Variants in TTLL5 observed in about 807,000 individuals in gnomAD.
TTLL5 encodes tubulin polyglutamylase TTLL5.
Under a neutral mutation model 168.4 loss-of-function variants are expected in TTLL5, and 132 were observed. That is an observed-to-expected ratio of 0.78 (90% CI 0.68 to 0.91). TTLL5 has a LOEUF of 0.91. Ranked by LOEUF, TTLL5 falls within the 40% of genes least tolerant of loss-of-function variation. TTLL5 has a pLI of 0.00. For missense variants in TTLL5, 1,545 were observed against 1,581.5 expected, an observed-to-expected ratio of 0.98 and a Z score of 0.39; for synonymous variants, 546 against 558.6, an observed-to-expected ratio of 0.98 and a Z score of 0.32.
At position 75,745,110 on chromosome 14, in the gene TTLL5, T is replaced by G. The variant is rs1240574898; in HGVS notation, c.1297T>G (p.Ser433Ala). The G allele has an allele frequency of 6.2e-7, 1 of 1,613,928 alleles. No homozygotes were observed. The highest frequency in any genetic ancestry group is 1.7e-5 in the Admixed American group (1 of 60,014). ...TTCTCCTTAGCGTTGCCGTCCACTC[T>G]CTGCCAGTGATGCGGAAATGAAAAA... ...FQKPQRCRPL[S>A]ASDAEMKNLV... The change falls in exon 16 of 32, where the codon TCT becomes GCT. Residue 433 changes from serine to alanine, a missense_variant. Physicochemically the swap from Ser to Ala is moderately conservative, Grantham distance 99 (BLOSUM62 1). Coordinates refer to ENST00000298832, the MANE Select transcript of TTLL5 (RefSeq NM_015072.5).
In TTLL5 at chr14:75,669,404, T is replaced by C. The variant is rs997364529; in HGVS notation, c.75-12T>C. ...GAGCTGTAAATTAATGAAGGCTTTT[T>C]TGTCGTTATAGGGATCATCCATGCA... is the stretch of plus-strand genomic sequence containing the variant. On this transcript the variant is annotated splice_polypyrimidine_tract_variant and intron_variant, in intron 2 of 31. Coordinates refer to ENST00000298832, the MANE Select transcript of TTLL5 (RefSeq NM_015072.5). The C allele has an allele frequency of 7.5e-6, 12 of 1,605,356 alleles. No homozygotes were observed. The highest frequency in any genetic ancestry group is 1.0e-5 in the Non-Finnish European group (12 of 1,173,660).
At chr14:75,840,656 C>A (rs369405361) in intron 28 of TTLL5, among the ~76,000 whole-genome samples, 2 of 152,146 alleles carry the variant, frequency 1.3e-5, no homozygotes, top group African/African-American at 4.8e-5. Flanking sequence ...TAATTCAGAA[C>A]TATAGTTTTA....
intron 27 of TTLL5, chr14:75,818,393 G>C: frequency 8.0e-6 from 2 of 249,948 alleles, no homozygotes; most frequent in South Asian, 7.9e-5. Flanking sequence ...AAGAAATTTG[G>C]ATCTACTCTA....
intron 31 of TTLL5, among the ~76,000 whole-genome samples, chr14:75,904,548 C>T (rs1006020184): frequency 2.2e-4 from 33 of 152,104 alleles, no homozygotes; most frequent in African/African-American, 8.0e-4. Flanking sequence ...GCATCTTGAC[C>T]GTGAATTACT....
At chr14:75,762,196 C>T (rs1890691786) in intron 18 of TTLL5, among the ~76,000 whole-genome samples, 1 of 151,980 alleles carries the variant, frequency 6.6e-6, no homozygotes, top group African/African-American at 2.4e-5. Context: ...GAGATTGAGA[C>T]CATCCTGGCT....
In TTLL5 at chr14:75,820,111, A is replaced by G; in HGVS notation, c.3276A>G (p.Thr1092=). The change falls in exon 28 of 32, where the codon ACA becomes ACG. Residue 1092 remains threonine (T), a synonymous_variant. Coordinates refer to ENST00000298832, the MANE Select transcript of TTLL5 (RefSeq NM_015072.5). ...GTCCTAGTGGCCCGACATGGTCTAC[A>G]CAGTCAGACCCCCAAGCTCCCGAGA... ...IISPSGPTWS[T]QSDPQAPENH... is the part of the protein sequence containing the mutation. 6.2e-7 allele frequency: 1 copy of G among 1,604,604 alleles called. No individual in the cohort carries two copies. The highest frequency in any genetic ancestry group is 8.5e-7 in the Non-Finnish European group (1 of 1,176,032).
chr14:75,864,787 T>G (rs2030370441), intron 29 of TTLL5, among the ~76,000 whole-genome samples: 1 of 152,194 alleles, frequency 6.6e-6, no homozygotes, highest in Non-Finnish European at 1.5e-5. Context: ...CCTGATCATT[T>G]TTTTCTTATA....
intron 30 of TTLL5, among the ~76,000 whole-genome samples, chr14:75,884,282 G>A (rs979093747): frequency 1.3e-5 from 2 of 152,224 alleles, no homozygotes; most frequent in African/African-American, 4.8e-5. Context: ...ATTTGCCAGT[G>A]TGCCCCTTGT....
chr14:75,699,123 A>C (rs1158384263), intron 6 of TTLL5, 65 bp from the exon 7 acceptor site: 1 of 1,439,122 alleles, frequency 6.9e-7, no homozygotes, highest in Non-Finnish European at 9.8e-7. Flanking sequence ...AAGTTGATAT[A>C]ATAAACTCAA....
At chr14:75,818,823 T>C (rs999247935) in intron 27 of TTLL5, among the ~76,000 whole-genome samples, 1 of 152,160 alleles carries the variant, frequency 6.6e-6, no homozygotes, top group African/African-American at 2.4e-5. Context: ...TGTTAATGCA[T>C]ACGTAATATT....
rs1895845205 is a variant in TTLL5 at position 75,836,003 on chromosome 14, A to G, written c.3326+15842A>G. On this transcript the variant is annotated intron_variant, in intron 28 of 31. Transcript: ENST00000298832. Reference sequence around the variant, plus strand: ...TTGGAGATTCCTCAAAAAACTAAAAATAGAGCTACCATACAACCCAGCAGT... The same window carrying G: ...TTGGAGATTCCTCAAAAAACTAAAAGTAGAGCTACCATACAACCCAGCAGT... Among the ~76,000 whole-genome samples the G allele has an allele frequency of 2.0e-5, 3 of 152,204 alleles. No individual in the cohort carries two copies. The South Asian group carries it at 6.2e-4, about 31-fold the overall frequency.
rs571865728 is a variant in TTLL5 at position 75,863,539 on chromosome 14, A to C, written c.3327-128A>C. ...GTGGGGGAGTGAGATAATATCACAC[A>C]AGTAGATTTGTAATTCCAAACTGTG... On this transcript the variant is annotated intron_variant, in intron 28 of 31. Transcript: ENST00000298832. 5.6e-6 allele frequency: 5 copies of C among 892,294 alleles called. No homozygotes were observed. In the East Asian group the frequency reaches 7.7e-5, roughly 14 times the overall value. The allele number at this position is 892,294 out of a possible 1,614,324, so 55.3% of individuals were successfully genotyped here.
rs566941359 is a variant in TTLL5 at position 75,695,557 on chromosome 14, A to G, written c.503-3631A>G. Reference sequence around the variant, plus strand: ...TAAAAACTTGCTGGTTTTGCGGCTCAGGGGGCATCATGGAACCTGCCAACA... The same window carrying G: ...TAAAAACTTGCTGGTTTTGCGGCTCGGGGGGCATCATGGAACCTGCCAACA... On this transcript the variant is annotated intron_variant, in intron 6 of 31. Transcript: ENST00000298832. Among the ~76,000 whole-genome samples, 214 of 152,172 alleles carry G rather than the reference A, an allele frequency of 1.4e-3. 1 individual carries two copies. The highest frequency in any genetic ancestry group is 5.0e-3 in the African/African-American group (209 of 41,530).
intron 17 of TTLL5, among the ~76,000 whole-genome samples, chr14:75,746,930 C>T (rs907092642): frequency 5.9e-5 from 9 of 152,056 alleles, no homozygotes; most frequent in Admixed American, 2.0e-4. Context: ...TTCTTGTGCT[C>T]GGGATTCATT....
chr14:75,757,937 C>A, intron 18 of TTLL5: 1 of 1,373,884 alleles, frequency 7.3e-7, no homozygotes, highest in Non-Finnish European at 9.5e-7. Flanking sequence ...ACAGACTAAG[C>A]ATAATACCTT....
At chr14:75,781,105 T>G (rs944956701) in intron 24 of TTLL5, among the ~76,000 whole-genome samples, 5 of 152,094 alleles carry the variant, frequency 3.3e-5, no homozygotes, top group African/African-American at 1.2e-4. Context: ...GCGTGCTAAT[T>G]TGGGGAGGTA....
chr14:75,736,296 C>T lies in TTLL5; in HGVS notation c.1281+1007C>T, dbSNP rs529775763. ...CTCACTTTTTTCCTCCCTTCTTCCA[C>T]TCCCATTCCTGCTCTTGTTCCTTTT... is the stretch of plus-strand genomic sequence containing the variant. On this transcript the variant is annotated intron_variant, in intron 15 of 31. Transcript: ENST00000298832. Among the ~76,000 whole-genome samples, 113 of 152,290 alleles carry T rather than the reference C, an allele frequency of 7.4e-4. 1 individual carries two copies. Among genetic ancestry groups the T allele is most frequent in the Non-Finnish European group, 1.5e-3 (99 of 68,030 alleles).
chr14:75,933,035 T>C (rs10134691), intron 31 of TTLL5, among the ~76,000 whole-genome samples: 121,815 of 151,804 alleles, frequency 0.8, 49,060 homozygotes, highest in African/African-American at 0.87. Flanking sequence ...GAGAAAAGTT[T>C]AAGTAGCCCC....
intron 30 of TTLL5, among the ~76,000 whole-genome samples, chr14:75,895,466 C>T (rs2032608413): frequency 1.3e-5 from 2 of 151,722 alleles, no homozygotes; most frequent in East Asian, 1.9e-4. Flanking sequence ...CAATATCAAA[C>T]GGTTCACACT....
Sources: allele counts gnomAD v4.1 joint callset (sites outside exome capture counted in the v4.1 genomes callset), GRCh38; gene constraint gnomAD v4.1.1; transcripts MANE v1.5; gene names NCBI Gene and HGNC (gene_info 2026-07-23, HGNC 2026-07-21).